PCNT: variants seen among roughly 807,000 people sequenced by gnomAD.
PCNT encodes kendrin.
PCNT carries 319 observed loss-of-function variants against 380.4 expected under a neutral mutation model. The ratio of observed to expected loss-of-function variants is 0.84; its 90% CI spans 0.77 to 0.92. PCNT has a LOEUF of 0.92. Ranked by LOEUF, PCNT falls within the 40% of genes least tolerant of loss-of-function variation. The pLI is 0.00. For missense variants in PCNT, 4,400 were observed against 4,255.3 expected, an observed-to-expected ratio of 1.03 and a Z score of -0.95; for synonymous variants, 1,845 against 1,735.2, an observed-to-expected ratio of 1.06 and a Z score of -1.57.
rs1276867578 is a variant in PCNT at position 46,382,243 on chromosome 21, G to A, written c.3312+403G>A. ...TTCATAGTGTTCTGCATTCAGTGGCGGAAGCCCATTCACGGTGTTGTGCAT... is the reference window on the plus strand; with the variant it reads ...TTCATAGTGTTCTGCATTCAGTGGCAGAAGCCCATTCACGGTGTTGTGCAT... On this transcript the variant is annotated intron_variant, in intron 16 of 46. Coordinates refer to ENST00000359568, the MANE Select transcript of PCNT (RefSeq NM_006031.6). Among the ~76,000 whole-genome samples, 16 of 144,208 alleles carry A rather than the reference G, an allele frequency of 1.1e-4. 4 individuals carry two copies. In the East Asian group the frequency reaches 1.5e-3, roughly 14 times the overall value. The allele number at this position is 144,208 out of a possible 152,430, so 94.6% of individuals were successfully genotyped here.
At chr21:46,438,140 C>A (rs1227955446) in intron 40 of PCNT, 24 bp from the exon 41 acceptor site, 3 of 1,598,738 alleles carry the variant, frequency 1.9e-6, no homozygotes, top group African/African-American at 1.3e-5. Flanking sequence ...CAAATTCTTA[C>A]AAATTTATTT....
chr21:46,367,844 T>C (rs2084982604), intron 15 of PCNT, among the ~76,000 whole-genome samples: 1 of 152,032 alleles, frequency 6.6e-6, no homozygotes, highest in East Asian at 1.9e-4. Flanking sequence ...CTTTTATTGA[T>C]GTTTCCTGAA....
chr21:46,395,398 C>T (rs1358316669), intron 21 of PCNT, among the ~76,000 whole-genome samples: 2 of 151,608 alleles, frequency 1.3e-5, no homozygotes, highest in East Asian at 1.9e-4. Context: ...GACTTCGGGA[C>T]TCAGCAGCAG....
At position 46,346,941 on chromosome 21, in the gene PCNT, A is replaced by G. The variant is rs757944383; in HGVS notation, c.919A>G (p.Arg307Gly). 6.3e-7 allele frequency: 1 copy of G among 1,598,432 alleles called. No individual in the cohort carries two copies. Among genetic ancestry groups the G allele is most frequent in the Non-Finnish European group, 8.5e-7 (1 of 1,174,304 alleles). The change falls in exon 5 of 47, where the codon AGG (arginine) becomes GGG (glycine). Residue 307 changes from arginine to glycine, a missense_variant. Physicochemically the swap from Arg to Gly is moderately radical, Grantham distance 125 (BLOSUM62 -2). Transcript: ENST00000359568. ...SRQQHELELL[R>G]EQHAREKEEV... ...GCAGCAGCACGAGCTGGAGCTCCTC[A>G]GGGAGCAGCACGCACGGGAGAAGGA...
intron 3 of PCNT, among the ~76,000 whole-genome samples, chr21:46,342,234 G>A (rs1395991879): frequency 4.6e-5 from 7 of 152,132 alleles, no homozygotes; most frequent in Admixed American, 4.6e-4. Context: ...AGCCTCCTAA[G>A]TAGCTGGGAT....
At position 46,382,743 on chromosome 21, in the gene PCNT, A is replaced by G. The variant is rs1247516756; in HGVS notation, c.3312+903A>G. ...CGGAAGCGCATTCACAGTGCTGTGC[A>G]TTCAGTGGCGGAAGCGCATTCACCG... is the stretch of plus-strand genomic sequence containing the variant. On this transcript the variant is annotated intron_variant, in intron 16 of 46. Transcript: ENST00000359568. Among the ~76,000 whole-genome samples the G allele has an allele frequency of 2.2e-4, 31 of 140,846 alleles. 2 individuals carry two copies. The highest frequency in any genetic ancestry group is 2.1e-4 in the Non-Finnish European group (14 of 65,248). 92.4% of individuals were successfully genotyped at this position (140,846 alleles called of 152,430 possible). A position where few individuals can be genotyped will look rare whatever the true frequency, so the allele number is the denominator to read the frequency against.
rs756899122 is a variant in PCNT at position 46,432,117 on chromosome 21, CAAG to C, written c.8657_8659del (p.Glu2886del). 3.7e-6 allele frequency: 6 copies of C among 1,614,096 alleles called. No individual in the cohort carries two copies. In the African/African-American group the frequency reaches 4.0e-5, roughly 11 times the overall value. On this transcript the variant is annotated inframe_deletion, in exon 38 of 47. Coordinates refer to ENST00000359568, the MANE Select transcript of PCNT (RefSeq NM_006031.6). ...GCAGTCACACCCACGGTTGAAAGAG[CAAG>C]AAGGACGCAAGGCTGCGAGGAGGAG...
intron 1 of PCNT, chr21:46,325,312 G>T: frequency 1.6e-6 from 1 of 622,690 alleles, no homozygotes; most frequent in Non-Finnish European, 2.0e-6. Context: ...CCGGGGAAGG[G>T]CTGAGGCGGG....
At chr21:46,325,456 T>C (rs2083353248) in intron 1 of PCNT, among the ~76,000 whole-genome samples, 1 of 152,252 alleles carries the variant, frequency 6.6e-6, no homozygotes, top group Admixed American at 6.5e-5. Flanking sequence ...GTCTGTGCTA[T>C]ATCCCGACAT....
chr21:46,437,178 C>A, intron 40 of PCNT, 97 bp downstream of exon 40: 1 of 785,600 alleles, frequency 1.3e-6, no homozygotes, highest in South Asian at 1.5e-5. Context: ...CCCCATTGTT[C>A]TTCCTCCCTC....
chr21:46,325,588 A>G (rs2066803219), intron 1 of PCNT, among the ~76,000 whole-genome samples: 1 of 152,194 alleles, frequency 6.6e-6, no homozygotes, highest in South Asian at 2.1e-4. Flanking sequence ...TGGGTCCATG[A>G]GCTTGTGTAC....
chr21:46,440,939 AT>A lies in PCNT; in HGVS notation c.9480del (p.Ile3160MetfsTer14). 1 of 1,613,298 alleles carries A rather than the reference AT, an allele frequency of 6.2e-7. No homozygotes were observed. Among genetic ancestry groups the A allele is most frequent in the Non-Finnish European group, 8.5e-7 (1 of 1,179,210 alleles). On this transcript the variant is annotated frameshift_variant, in exon 43 of 47. Coordinates refer to ENST00000359568, the MANE Select transcript of PCNT (RefSeq NM_006031.6). LOFTEE classifies it high-confidence loss of function. ...IYQKKYLLLL[I>X]GGFQDSEQET... Reference sequence around the variant, plus strand: ...TCAAAAGAAGTATCTTTTGCTGTTGATTGGTGGATTCCAGGATTCTGAACAA... The same window carrying A: ...TCAAAAGAAGTATCTTTTGCTGTTGATGGTGGATTCCAGGATTCTGAACAA...
intron 10 of PCNT, among the ~76,000 whole-genome samples, 162 bp from the exon 11 acceptor site, chr21:46,353,825 G>A (rs1296980804): frequency 9.2e-5 from 14 of 151,716 alleles, no homozygotes; most frequent in Non-Finnish European, 1.8e-4. Context: ...CGTGTCTCTG[G>A]CTTTGTGACT....
At position 46,359,240 on chromosome 21, in the gene PCNT, A is replaced by G. The variant is rs575926375; in HGVS notation, c.2154+2049A>G. 4.6e-4 allele frequency among the ~76,000 whole-genome samples: 68 copies of G among 147,530 alleles called. 4 individuals are homozygous for G. Among genetic ancestry groups the G allele is most frequent in the African/African-American group, 1.6e-3 (66 of 40,268 alleles). On this transcript the variant is annotated intron_variant, in intron 13 of 46. Coordinates refer to ENST00000359568, the MANE Select transcript of PCNT (RefSeq NM_006031.6). ...AGTGTTGGGACTACAGGCGTGAGCC[A>G]CCGAACCTGGCTCCAGGTGACTTTT...
chr21:46,354,660 C>T (rs770319868), intron 11 of PCNT, among the ~76,000 whole-genome samples: 4 of 152,118 alleles, frequency 2.6e-5, no homozygotes, highest in East Asian at 1.9e-4. Flanking sequence ...GGGGCAGCAC[C>T]GCGTGGCTTG....
intron 16 of PCNT, among the ~76,000 whole-genome samples, chr21:46,382,748 G>A (rs1424685838): frequency 1.4e-5 from 2 of 145,726 alleles, no homozygotes; most frequent in Non-Finnish European, 3.0e-5. Flanking sequence ...TGTGCATTCA[G>A]TGGCGGAAGC....
chr21:46,397,352 A>G lies in PCNT; in HGVS notation c.4304A>G (p.Gln1435Arg), dbSNP rs755708854. Reference sequence around the variant, plus strand: ...AAGGACCGCTCAGCCCTGCTCTCCCAGATGAAGATTTTGGAGTCTGAGTTA... The same window carrying G: ...AAGGACCGCTCAGCCCTGCTCTCCCGGATGAAGATTTTGGAGTCTGAGTTA... Reference protein sequence around the residue: ...AEKDRSALLSQMKILESELEE... With the variant: ...AEKDRSALLSRMKILESELEE... The change falls in exon 22 of 47, where the codon CAG (glutamine) becomes CGG (arginine). Residue 1435 changes from glutamine to arginine, a missense_variant. Gln to Arg is a conservative substitution (Grantham distance 43). Transcript: ENST00000359568. 1.2e-6 allele frequency: 2 copies of G among 1,614,162 alleles called. No individual in the cohort carries two copies. Among genetic ancestry groups the G allele is most frequent in the East Asian group, 2.2e-5 (1 of 44,874 alleles).
intron 44 of PCNT, 115 bp from the exon 45 acceptor site, chr21:46,443,695 A>C (rs2053671890): frequency 6.1e-6 from 6 of 990,866 alleles, no homozygotes; most frequent in Non-Finnish European, 9.7e-6. Flanking sequence ...ATGTCTTAAA[A>C]TTGCCATACA....
Position 46,444,736 on chromosome 21 carries a change from T to C in PCNT, c.9882T>C (p.Thr3294=). The change falls in exon 46 of 47, where the codon ACT becomes ACC. Residue 3294 remains threonine (T), a synonymous_variant. Coordinates refer to ENST00000359568, the MANE Select transcript of PCNT (RefSeq NM_006031.6). ...SPNSRLERSL[T]ASQDPEHSLT... is the part of the protein sequence containing the mutation. ...ATTCAAGATTAGAAAGATCCCTGACTGCTTCTCAAGATCCAGAACATTCCT... is the reference window on the plus strand; with the variant it reads ...ATTCAAGATTAGAAAGATCCCTGACCGCTTCTCAAGATCCAGAACATTCCT... The C allele has an allele frequency of 6.2e-7, 1 of 1,613,410 alleles. No homozygotes were observed. The highest frequency in any genetic ancestry group is 8.5e-7 in the Non-Finnish European group (1 of 1,179,482).
Sources: allele counts gnomAD v4.1 joint callset (sites outside exome capture counted in the v4.1 genomes callset), GRCh38; gene constraint gnomAD v4.1.1; transcripts MANE v1.5; gene names NCBI Gene and HGNC (gene_info 2026-07-23, HGNC 2026-07-21).